Variants in LRMDA observed in about 807,000 individuals in gnomAD.
LRMDA encodes leucine-rich melanocyte differentiation-associated protein.
LRMDA carries 18 observed loss-of-function variants against 29.8 expected under a neutral mutation model. That is an observed-to-expected ratio of 0.60 (90% CI 0.42 to 0.90). The LOEUF is 0.90. Ranked by LOEUF, LRMDA falls within the 40% of genes least tolerant of loss-of-function variation. LRMDA has a pLI of 0.00. For synonymous variants in LRMDA, 125 were observed against 109.4 expected, an observed-to-expected ratio of 1.14 and a Z score of -0.89; for missense variants, 273 against 273.9, an observed-to-expected ratio of 1.00 and a Z score of 0.02.
rs571790229 is a variant in LRMDA, at chr10:75,723,633, AG to A, written c.131+285140del. Among the ~76,000 whole-genome samples the A allele has an allele frequency of 1.4e-4, 22 of 152,362 alleles. No individual in the cohort carries two copies. In the South Asian group the frequency reaches 3.5e-3, roughly 24 times the overall value. On this transcript the variant is annotated intron_variant, in intron 2 of 6. Coordinates refer to ENST00000611255, the MANE Select transcript of LRMDA (RefSeq NM_001305581.2). Reference sequence around the variant, plus strand: ...GAAATAGAACAGGAAAAGGCCGGAAAGACAGTGGCTCCATATAGACAGAAAG... The same window carrying A: ...GAAATAGAACAGGAAAAGGCCGGAAAACAGTGGCTCCATATAGACAGAAAG...
chr10:76,270,655 G>C (rs754964539), intron 5 of LRMDA: 1 of 152,112 alleles, frequency 6.6e-6, no homozygotes, highest in Non-Finnish European at 1.5e-5. Flanking sequence ...CTCATAATGG[G>C]CATTTTAATC....
chr10:76,108,108 A>T (rs1022092276), intron 5 of LRMDA, among the ~76,000 whole-genome samples: 1 of 152,240 alleles, frequency 6.6e-6, no homozygotes, highest in Non-Finnish European at 1.5e-5. Flanking sequence ...TGGAAGATTT[A>T]TCTCACTTAT....
intron 5 of LRMDA, among the ~76,000 whole-genome samples, chr10:76,174,314 A>G (rs896657507): frequency 6.6e-6 from 1 of 152,132 alleles, no homozygotes. Flanking sequence ...TAATTAAAAA[A>G]TTTTTAAAAA....
At position 75,771,009 on chromosome 10, in the gene LRMDA, C is replaced by T. The variant is rs116431602; in HGVS notation, c.132-264999C>T. ...GACGTGTCCGTGGGGAGGTAATAGA[C>T]GCCTTGCCACTGGAGGGGCTGGAAA... On this transcript the variant is annotated intron_variant, in intron 2 of 6. Coordinates refer to ENST00000611255, the MANE Select transcript of LRMDA (RefSeq NM_001305581.2). 7.8e-3 allele frequency among the ~76,000 whole-genome samples: 1,185 copies of T among 152,124 alleles called. 20 individuals carry two copies. The highest frequency in any genetic ancestry group is 0.027 in the African/African-American group (1,115 of 41,458).
intron 2 of LRMDA, among the ~76,000 whole-genome samples, chr10:75,561,372 A>G (rs12259777): frequency 0.62 from 87,427 of 142,130 alleles, 29,358 homozygotes; most frequent in East Asian, 0.85. Context: ...TGTGGGATCA[A>G]TGGTGATATC....
chr10:76,510,591 A>T (rs1192341159), intron 6 of LRMDA, among the ~76,000 whole-genome samples: 1 of 152,226 alleles, frequency 6.6e-6, no homozygotes, highest in Non-Finnish European at 1.5e-5. Flanking sequence ...AATGCCAGGT[A>T]ACCTAAGCCA....
intron 6 of LRMDA, among the ~76,000 whole-genome samples, chr10:76,461,150 T>G (rs1842508045): frequency 6.6e-6 from 1 of 152,126 alleles, no homozygotes; most frequent in East Asian, 1.9e-4. Context: ...ACATTTTTCC[T>G]GGAAACATAA....
At chr10:75,753,397 A>G (rs997498118) in intron 2 of LRMDA, among the ~76,000 whole-genome samples, 6 of 152,182 alleles carry the variant, frequency 3.9e-5, no homozygotes, top group Non-Finnish European at 1.5e-5. Flanking sequence ...GATGGCATAG[A>G]AAGTGATTTG....
chr10:76,170,164 C>G (rs990933226), intron 5 of LRMDA, among the ~76,000 whole-genome samples: 9 of 152,200 alleles, frequency 5.9e-5, no homozygotes, highest in African/African-American at 2.2e-4. Flanking sequence ...AAAGTAGGAA[C>G]AGTCTCCTCA....
chr10:75,891,083 C>T (rs767155484), intron 2 of LRMDA, among the ~76,000 whole-genome samples: 13 of 148,406 alleles, frequency 8.8e-5, no homozygotes, highest in Non-Finnish European at 1.5e-4. Flanking sequence ...CCAGCCTGGG[C>T]GACAGAGCTA....
intron 6 of LRMDA, among the ~76,000 whole-genome samples, chr10:76,463,687 A>G (rs1455636473): frequency 1.3e-5 from 2 of 152,026 alleles, no homozygotes; most frequent in Non-Finnish European, 2.9e-5. Context: ...AACTGAGGAG[A>G]AAGGACAGCT....
At chr10:76,161,059 A>C (rs1197595831) in intron 5 of LRMDA, among the ~76,000 whole-genome samples, 1 of 152,200 alleles carries the variant, frequency 6.6e-6, no homozygotes, top group Non-Finnish European at 1.5e-5. Flanking sequence ...AGACTAAAAA[A>C]TAAACGAGAG....
At chr10:75,742,278 G>A (rs1449223098) in intron 2 of LRMDA, among the ~76,000 whole-genome samples, 1 of 152,230 alleles carries the variant, frequency 6.6e-6, no homozygotes, top group African/African-American at 2.4e-5. Context: ...TGGGAATTGA[G>A]TGGGAAAGTA....
At chr10:76,086,424 A>G (rs1849136804) in intron 5 of LRMDA, among the ~76,000 whole-genome samples, 2 of 147,276 alleles carry the variant, frequency 1.4e-5, no homozygotes. Flanking sequence ...ATTTCTTCAA[A>G]CAAGCCCTAG....
chr10:76,207,705 T>A (rs1851562702), intron 5 of LRMDA, among the ~76,000 whole-genome samples: 1 of 152,288 alleles, frequency 6.6e-6, no homozygotes, highest in Admixed American at 6.5e-5. Flanking sequence ...GGCTCATGCC[T>A]GTAATCCCAG....
intron 6 of LRMDA, among the ~76,000 whole-genome samples, chr10:76,415,585 C>T (rs1470254373): frequency 6.6e-6 from 1 of 150,848 alleles, no homozygotes; most frequent in Admixed American, 6.7e-5. Flanking sequence ...ATTCTCTCAT[C>T]TTTGGCTGGG....
chr10:75,990,697 G>T (rs1357775289), intron 2 of LRMDA, among the ~76,000 whole-genome samples: 1 of 152,176 alleles, frequency 6.6e-6, no homozygotes, highest in Non-Finnish European at 1.5e-5. Context: ...AGTACTTTGG[G>T]TTGGAGGAGA....
At chr10:76,184,737 T>G (rs1851115832) in intron 5 of LRMDA, among the ~76,000 whole-genome samples, 1 of 152,206 alleles carries the variant, frequency 6.6e-6, no homozygotes, top group Non-Finnish European at 1.5e-5. Context: ...TTCAAAGCTA[T>G]TCCCTCCTTT....
At chr10:75,446,172 G>C (rs1844393094) in intron 2 of LRMDA, among the ~76,000 whole-genome samples, 1 of 152,220 alleles carries the variant, frequency 6.6e-6, no homozygotes, top group African/African-American at 2.4e-5. Flanking sequence ...TGCTCTGTTG[G>C]GAAGATGGGC....
Sources: allele counts gnomAD v4.1 joint callset (sites outside exome capture counted in the v4.1 genomes callset), GRCh38; gene constraint gnomAD v4.1.1; transcripts MANE v1.5; gene names NCBI Gene and HGNC (gene_info 2026-07-23, HGNC 2026-07-21).